ANKMY1: variants seen among roughly 807,000 people sequenced by gnomAD.
ANKMY1 encodes the protein ankyrin repeat and MYND domain containing 1, also known as ankyrin repeat and MYND domain-containing protein 1.
In ANKMY1, 98 loss-of-function variants were observed where a neutral mutation model predicts 102.0. The ratio of observed to expected loss-of-function variants is 0.96; its 90% CI spans 0.82 to 1.14. The LOEUF is 1.14. Ranked by LOEUF, ANKMY1 falls within the 50% of genes most tolerant of loss-of-function variation. The pLI is 0.00. For synonymous variants in ANKMY1, 582 were observed against 559.9 expected (o/e 1.04, Z -0.56); for missense variants, 1,330 against 1,347.6 (o/e 0.99, Z 0.20).
chr2:240,541,902 G>C (rs1360205796), intron 4 of ANKMY1, among the ~76,000 whole-genome samples: 1 of 152,026 alleles, frequency 6.6e-6, no homozygotes, highest in African/African-American at 2.4e-5. Flanking sequence ...GTCTGGGGAG[G>C]TTTGGCCTTT....
chr2:240,519,856 C>CAGAGAGGGAAGAA (rs1553578001), intron 9 of ANKMY1: 2 of 248,388 alleles, frequency 8.1e-6, no homozygotes, highest in Non-Finnish European at 1.7e-5. Context: ...AGAAGCCGTC[C>CAGAGAGGGAAGAA]GCTGGGAAAG....
chr2:240,470,970 G>A, the ANKMY1 span, among the ~76,000 whole-genome samples: 3 of 152,160 alleles, frequency 2.0e-5, no homozygotes, highest in Non-Finnish European at 4.4e-5. Flanking sequence ...AGAAGCTTGG[G>A]GTGAGGGGTA....
rs374518045 is a variant in ANKMY1 at position 240,512,043 on chromosome 2, C to T, written c.2146-42G>A. The T allele has an allele frequency of 1.4e-5, 21 of 1,494,390 alleles. 1 individual carries two copies. The highest frequency in any genetic ancestry group is 8.8e-5 in the African/African-American group (6 of 68,016). 92.6% of individuals were successfully genotyped at this position (1,494,390 alleles called of 1,614,324 possible). ...GCTCCGCCAGCGCCCACGGACCTGC[C>T]GTGTGCCCACGGGAAGGCAAACGGA... On this transcript the variant is annotated intron_variant, in intron 10 of 17. Transcript: ENST00000401804.
intron 11 of ANKMY1, among the ~76,000 whole-genome samples, chr2:240,510,956 C>T (rs1438020681): frequency 6.6e-6 from 1 of 152,158 alleles, no homozygotes; most frequent in Admixed American, 6.5e-5. Flanking sequence ...TGGAGCCTCA[C>T]TGTTCATTCC....
At chr2:240,495,323 G>C (rs1001835432) in intron 15 of ANKMY1, among the ~76,000 whole-genome samples, 3 of 149,550 alleles carry the variant, frequency 2.0e-5, no homozygotes, top group African/African-American at 7.3e-5. Flanking sequence ...GGGCCTGACT[G>C]ATGTCAGGCC....
intron 4 of ANKMY1, among the ~76,000 whole-genome samples, chr2:240,541,136 G>A (rs554112142): frequency 2.0e-5 from 3 of 152,182 alleles, no homozygotes; most frequent in Admixed American, 6.5e-5. Context: ...CTGAGGGCTT[G>A]TTTGTAACTG....
rs999542237 is a variant in ANKMY1 at position 240,499,190 on chromosome 2, GGT to G, written c.2806+766_2806+767del. Among the ~76,000 whole-genome samples, 3 of 152,046 alleles carry G rather than the reference GGT, an allele frequency of 2.0e-5. No individual in the cohort carries two copies. The highest frequency in any genetic ancestry group is 7.3e-5 in the African/African-American group (3 of 41,370). On this transcript the variant is annotated intron_variant, in intron 15 of 17. Coordinates refer to ENST00000401804, the MANE Select transcript of ANKMY1 (RefSeq NM_001282771.3). The surrounding 1 kb of genome is among the most constrained non-coding windows in gnomAD (Gnocchi z 4.2). ...TGTGGGGGCGGGATCAGCAGGTTCCGGTGTGTGTGTGCACACACGTGTTAACA... is the reference window on the plus strand; with the variant it reads ...TGTGGGGGCGGGATCAGCAGGTTCCGGTGTGTGTGCACACACGTGTTAACA...
rs756990750 is a variant in ANKMY1 at position 240,529,490 on chromosome 2, T to C, written c.500A>G (p.Gln167Arg). 2.5e-5 allele frequency: 40 copies of C among 1,613,270 alleles called. No homozygotes were observed. In the East Asian group the frequency reaches 8.7e-4, roughly 35 times the overall value. The change falls in exon 5 of 18, where the codon CAG becomes CGG. Residue 167 changes from glutamine to arginine, a missense_variant. Physicochemically the swap from Gln to Arg is conservative, Grantham distance 43. Transcript: ENST00000401804. This position sits in a 1 kb window ranked among gnomAD's most constrained non-coding sequence, Gnocchi z 4.2. ...GGTCTCGACACCTGGCCCAAACCGC[T>C]GGTCCGCTTTGTATAGCCCCTGCCA... ...RLFQGLYKAD[Q>R]RFGPGVETYP...
intron 8 of ANKMY1, chr2:240,523,484 C>CA (rs1389009531): frequency 7.9e-6 from 2 of 252,108 alleles, no homozygotes; most frequent in Non-Finnish European, 1.6e-5. Context: ...CTGGTATAGA[C>CA]AGGGTGGACA....
At chr2:240,548,721 C>G (rs1232442292) in intron 4 of ANKMY1, among the ~76,000 whole-genome samples, 1 of 151,234 alleles carries the variant, frequency 6.6e-6, no homozygotes, top group African/African-American at 2.4e-5. Context: ...ACACCAACAA[C>G]AGACAAACAG....
intron 13 of ANKMY1, among the ~76,000 whole-genome samples, chr2:240,505,236 C>A (rs1351634271): frequency 6.6e-6 from 1 of 151,408 alleles, no homozygotes; most frequent in African/African-American, 2.4e-5. Context: ...CTGAGGCGGG[C>A]GGATCACCTG....
upstream of ANKMY1, among the ~76,000 whole-genome samples, chr2:240,559,433 C>T (rs2092747633): frequency 6.6e-6 from 1 of 152,208 alleles, no homozygotes; most frequent in Admixed American, 6.5e-5. Context: ...ACAGAGGAGC[C>T]TTCCAAAGTG....
At chr2:240,560,857 C>CGCGCGCGCCCGGCGTGGCAGAGCT, upstream of ANKMY1, 1 of 1,395,402 alleles carries the variant, frequency 7.2e-7, no homozygotes, top group Non-Finnish European at 9.2e-7. Context: ...CAGCCCGGCC[C>CGCGCGCGCCCGGCGTGGCAGAGCT]GCGCGCGCCC....
At chr2:240,507,766 G>A (rs1325180629) in intron 12 of ANKMY1, 75 bp from the exon 13 acceptor site, 2 of 1,500,270 alleles carry the variant, frequency 1.3e-6, no homozygotes, top group Non-Finnish European at 1.8e-6. Context: ...CCCAGGGCTG[G>A]GCCACTCCAG....
chr2:240,480,796 C>G, intron 17 of ANKMY1, 141 bp downstream of exon 17: 1 of 1,249,226 alleles, frequency 8.0e-7, no homozygotes, highest in Admixed American at 2.4e-5. Flanking sequence ...TCCCAACAGG[C>G]CGATCTGGAA....
upstream of ANKMY1, chr2:240,560,663 A>C (rs1303644621): frequency 6.7e-7 from 1 of 1,497,326 alleles, no homozygotes; most frequent in Non-Finnish European, 8.8e-7. Flanking sequence ...AGGGCCCAAA[A>C]GCAGACTCTT....
intron 4 of ANKMY1, among the ~76,000 whole-genome samples, chr2:240,550,992 T>C (rs2091419909): frequency 6.6e-6 from 1 of 152,210 alleles, no homozygotes; most frequent in Non-Finnish European, 1.5e-5. Context: ...TGAATTCAGG[T>C]GTCTGATAAC....
chr2:240,481,577 C>T (rs1157915475), intron 16 of ANKMY1, among the ~76,000 whole-genome samples: 1 of 152,168 alleles, frequency 6.6e-6, no homozygotes, highest in African/African-American at 2.4e-5. Context: ...CTGCACCAGT[C>T]CCCTCTCCAT....
rs1335723965 is a variant in ANKMY1, at chr2:240,554,931, A to G, written c.271T>C (p.Tyr91His). ...ATGTTCAACCCAAACTCCCCCTGGT[A>G]CATGCAACCATCCTGCCACTCCTGC... ...GVQEWQDGCMYQGEFGLNMKL... is the reference protein window; with the variant it reads ...GVQEWQDGCMHQGEFGLNMKL... Residue 91 changes from tyrosine (Y) to histidine (H), a missense_variant, in exon 3 of 18, where the codon TAC (tyrosine) becomes CAC (histidine). Transcript: ENST00000401804. 2 of 1,614,154 alleles carry G rather than the reference A, an allele frequency of 1.2e-6. No homozygotes were observed. Among genetic ancestry groups the G allele is most frequent in the Non-Finnish European group, 8.5e-7 (1 of 1,180,026 alleles).
Sources: gnomAD v4.1 joint callset for allele counts (sites outside exome capture counted in the v4.1 genomes callset) on GRCh38, gnomAD v4.1.1 for gene constraint, Gnocchi (gnomAD v3.1) non-coding constraint, MANE v1.5 for transcripts, NCBI Gene and HGNC (gene_info 2026-07-23, HGNC 2026-07-21) for gene names.